Variants in DLGAP2 observed in about 807,000 individuals in gnomAD.
The protein encoded by DLGAP2 is disks large-associated protein 2.
DLGAP2 carries 26 observed loss-of-function variants against 100.3 expected under a neutral mutation model. The ratio of observed to expected loss-of-function variants is 0.26; its 90% CI spans 0.19 to 0.36. The LOEUF is 0.36. DLGAP2 is among the 10% of genes least tolerant of loss of function. The probability of loss-of-function intolerance (pLI) is 1.00; values close to 1 mark genes in which losing one functional copy is unlikely to be tolerated. For synonymous variants in DLGAP2, 886 were observed against 630.1 expected, an observed-to-expected ratio of 1.41 and a Z score of -6.08; for missense variants, 1,858 against 1,453.2, an observed-to-expected ratio of 1.28 and a Z score of -4.53.
chr8:1,523,712 A>G (rs151090397), intron 4 of DLGAP2, among the ~76,000 whole-genome samples: 1 of 152,174 alleles, frequency 6.6e-6, no homozygotes, highest in South Asian at 2.1e-4. Flanking sequence ...GGCACTAATC[A>G]TGTCCTTTTA....
chr8:1,217,672 C>A (rs1053188304), intron 2 of DLGAP2, among the ~76,000 whole-genome samples: 1 of 152,026 alleles, frequency 6.6e-6, no homozygotes, highest in Non-Finnish European at 1.5e-5. Context: ...TAGCTATATT[C>A]CAAGGAATTT....
chr8:1,451,322 C>T lies in DLGAP2; in HGVS notation c.107-50044C>T, dbSNP rs560828034. Among the ~76,000 whole-genome samples, 4 of 152,212 alleles carry T rather than the reference C, an allele frequency of 2.6e-5. No homozygotes were observed. In the East Asian group the frequency reaches 5.8e-4, roughly 22 times the overall value. On this transcript the variant is annotated intron_variant, in intron 3 of 14. Coordinates refer to ENST00000637795, the MANE Select transcript of DLGAP2 (RefSeq NM_001346810.2). ...CTCAGTCCCTGGGGGAGGAGGCAGC[C>T]AAGGCCGGCACCCCTTTCCCTGTCC...
chr8:1,669,666 A>G, intron 9 of DLGAP2, 77 bp from the exon 10 acceptor site: 1 of 778,338 alleles, frequency 1.3e-6, no homozygotes, highest in Non-Finnish European at 2.4e-6. Flanking sequence ...ATGCGGGCGG[A>G]GAGAGCAGGG....
chr8:1,450,442 C>T (rs4288403), intron 3 of DLGAP2, among the ~76,000 whole-genome samples: 30,646 of 42,946 alleles, frequency 0.71, 10,059 homozygotes, highest in Admixed American at 0.75. Context: ...ACGAGGTGGG[C>T]GGCCTCGGTG....
intron 3 of DLGAP2, among the ~76,000 whole-genome samples, chr8:1,348,742 G>C (rs1801632785): frequency 6.6e-6 from 1 of 152,206 alleles, no homozygotes; most frequent in African/African-American, 2.4e-5. Context: ...ATGCTCTGCT[G>C]TCTTACACTC....
At chr8:1,255,364 GCCC>G (rs200325948) in intron 2 of DLGAP2, among the ~76,000 whole-genome samples, 2 of 101,136 alleles carry the variant, frequency 2.0e-5, no homozygotes, top group Admixed American at 9.6e-5. Context: ...CTGTGTGTGT[GCCC>G]TCTCATCCTG....
At chr8:928,401 C>T (rs1385051852) in intron 2 of DLGAP2, among the ~76,000 whole-genome samples, 2 of 152,042 alleles carry the variant, frequency 1.3e-5, no homozygotes, top group East Asian at 3.9e-4. Flanking sequence ...AGTAGGTGTC[C>T]TGGACGTGGA....
At chr8:794,492 G>T (rs1336716578) in intron 1 of DLGAP2, among the ~76,000 whole-genome samples, 1 of 152,182 alleles carries the variant, frequency 6.6e-6, no homozygotes, top group African/African-American at 2.4e-5. Flanking sequence ...GAGAAATGAA[G>T]GGGTGGGCTG....
chr8:1,630,226 A>T (rs1797608040), intron 7 of DLGAP2, among the ~76,000 whole-genome samples: 1 of 152,174 alleles, frequency 6.6e-6, no homozygotes, highest in African/African-American at 2.4e-5. Context: ...GTAGTAGGTG[A>T]GAAGACTGTG....
chr8:1,199,117 C>G (rs1174673346), intron 2 of DLGAP2, among the ~76,000 whole-genome samples: 6 of 152,234 alleles, frequency 3.9e-5, no homozygotes, highest in Non-Finnish European at 8.8e-5. Context: ...AGTACTTAAA[C>G]ACACATACAC....
intron 6 of DLGAP2, among the ~76,000 whole-genome samples, chr8:1,600,238 T>C (rs1796583467): frequency 1.3e-5 from 2 of 152,210 alleles, no homozygotes; most frequent in African/African-American, 4.8e-5. Context: ...TGCAGAGATA[T>C]CCACTGTTAG....
chr8:1,444,831 G>C (rs1044165035), intron 3 of DLGAP2, among the ~76,000 whole-genome samples: 1 of 142,002 alleles, frequency 7.0e-6, no homozygotes, highest in Non-Finnish European at 1.5e-5. Flanking sequence ...TCAGGCTGGA[G>C]TGCAGTGGCG....
chr8:1,089,570 G>C (rs543301222), intron 2 of DLGAP2, among the ~76,000 whole-genome samples: 1 of 152,354 alleles, frequency 6.6e-6, no homozygotes, highest in African/African-American at 2.4e-5. Flanking sequence ...TGCAGGCTGA[G>C]AGCACTGAGG....
rs1803757095 is a variant in DLGAP2, at chr8:1,080,185, G to C, written c.73+172219G>C. Among the ~76,000 whole-genome samples, 3 of 152,338 alleles carry C rather than the reference G, an allele frequency of 2.0e-5. No individual in the cohort carries two copies. In the South Asian group the frequency reaches 6.2e-4, roughly 32 times the overall value. On this transcript the variant is annotated intron_variant, in intron 2 of 14. Transcript: ENST00000637795. ...GCGGAGCTCCACATTAGAACTACTT[G>C]CATTTTTATTTTCCACAAAACACTG...
intron 2 of DLGAP2, among the ~76,000 whole-genome samples, chr8:947,481 G>T (rs1156955272): frequency 6.6e-6 from 1 of 152,230 alleles, no homozygotes; most frequent in Non-Finnish European, 1.5e-5. Flanking sequence ...CGTAGAGACG[G>T]TGGCGGCTGT....
chr8:1,409,288 C>G (rs968457336), intron 3 of DLGAP2, among the ~76,000 whole-genome samples: 6 of 151,134 alleles, frequency 4.0e-5, no homozygotes, highest in Admixed American at 3.3e-4. Flanking sequence ...CAGCTGAAAA[C>G]CAACTGGAAC....
chr8:1,271,679 G>C (rs552992614), intron 3 of DLGAP2, among the ~76,000 whole-genome samples: 4 of 152,342 alleles, frequency 2.6e-5, no homozygotes, highest in East Asian at 1.9e-4. Context: ...CATAGAAACA[G>C]GGTAGAGTGG....
chr8:769,300 T>G (rs1821296562), intron 1 of DLGAP2, among the ~76,000 whole-genome samples: 1 of 152,076 alleles, frequency 6.6e-6, no homozygotes, highest in South Asian at 2.1e-4. Context: ...TCTCTTGAGT[T>G]TCCACTTGGA....
intron 2 of DLGAP2, among the ~76,000 whole-genome samples, chr8:1,160,882 A>G (rs763317520): frequency 1.3e-5 from 2 of 152,242 alleles, no homozygotes; most frequent in Non-Finnish European, 2.9e-5. Context: ...GAGTCTAGCA[A>G]TCAGGTAAGT....
Sources: allele counts gnomAD v4.1 joint callset (sites outside exome capture counted in the v4.1 genomes callset), GRCh38; gene constraint gnomAD v4.1.1; transcripts MANE v1.5; gene names NCBI Gene and HGNC (gene_info 2026-07-23, HGNC 2026-07-21).